The following PLXDC2 variants were observed in gnomAD, a reference collection of about 807,000 sequenced individuals.
PLXDC2 encodes plexin domain-containing protein 2.
Under a neutral mutation model 68.9 loss-of-function variants are expected in PLXDC2, and 40 were observed. The observed-to-expected ratio is 0.58, with a 90% CI of 0.45 to 0.76. PLXDC2 has a LOEUF of 0.76. Ranked by LOEUF, PLXDC2 falls within the 30% of genes least tolerant of loss-of-function variation. The pLI is 0.00. For missense variants in PLXDC2, 644 were observed against 661.9 expected (o/e 0.97, Z 0.30); for synonymous variants, 243 against 234.2 (o/e 1.04, Z -0.34).
At chr10:19,905,901 G>A (rs1833149537) in intron 1 of PLXDC2, among the ~76,000 whole-genome samples, 1 of 152,058 alleles carries the variant, frequency 6.6e-6, no homozygotes, top group South Asian at 2.1e-4. Flanking sequence ...ACCATTTATT[G>A]AGGCTATTTC....
intron 9 of PLXDC2, among the ~76,000 whole-genome samples, chr10:20,207,963 G>T (rs780941334): frequency 6.6e-6 from 1 of 152,034 alleles, no homozygotes; most frequent in African/African-American, 2.4e-5. Flanking sequence ...TCTGGCAAGG[G>T]TTCTTAGAAA....
At chr10:19,895,602 C>G (rs1838043988) in intron 1 of PLXDC2, among the ~76,000 whole-genome samples, 2 of 152,140 alleles carry the variant, frequency 1.3e-5, no homozygotes, top group Admixed American at 1.3e-4. Context: ...TTTGCACTTA[C>G]AGCACATCTC....
At position 20,280,645 on chromosome 10, in the gene PLXDC2, G is replaced by A. The variant is rs1358779632; in HGVS notation, c.*826G>A. 6.6e-6 allele frequency: 1 copy of A among 152,034 alleles called. No individual in the cohort carries two copies. Among genetic ancestry groups the A allele is most frequent in the Non-Finnish European group, 1.5e-5 (1 of 68,006 alleles). 9.4% of individuals were successfully genotyped at this position (152,034 alleles called of 1,614,324 possible). A position where few individuals can be genotyped will look rare whatever the true frequency, so the allele number is the denominator to read the frequency against. ...CTTACCTCCAATCCCCAACTGTTAA[G>A]TCCCATGAAACCACAGTTGCTCTGG... On this transcript the variant is annotated 3_prime_UTR_variant, in exon 14 of 14. Transcript: ENST00000377252.
chr10:20,060,298 A>C (rs553052642), intron 3 of PLXDC2, among the ~76,000 whole-genome samples: 1 of 59,102 alleles, frequency 1.7e-5, no homozygotes, highest in South Asian at 3.4e-4. Flanking sequence ...CTGGGACTAC[A>C]AGTGTGAGCC....
rs565387600 is a variant in PLXDC2 at position 19,975,414 on chromosome 10, C to T, written c.113-26361C>T. 1.4e-3 allele frequency among the ~76,000 whole-genome samples: 210 copies of T among 152,090 alleles called. 1 individual carries two copies. Among genetic ancestry groups the T allele is most frequent in the African/African-American group, 4.8e-3 (199 of 41,508 alleles). On this transcript the variant is annotated intron_variant, in intron 1 of 13. Transcript: ENST00000377252. ...CAGAGCTTGCAGTGAGCAGAGATCG[C>T]GCCTCTGCCCTCCAGCCTGGGAGAC...
chr10:20,195,968 C>T (rs1484736160), intron 9 of PLXDC2, among the ~76,000 whole-genome samples: 2 of 152,136 alleles, frequency 1.3e-5, no homozygotes, highest in African/African-American at 2.4e-5. Context: ...GTAAAAGTTA[C>T]AGCTCTCTCT....
At chr10:19,974,774 A>G (rs1264946320) in intron 1 of PLXDC2, among the ~76,000 whole-genome samples, 5 of 152,200 alleles carry the variant, frequency 3.3e-5, no homozygotes, top group African/African-American at 1.2e-4. Context: ...TTTCAGTTAA[A>G]TAAATAAGTG....
intron 1 of PLXDC2, among the ~76,000 whole-genome samples, chr10:19,934,365 A>G (rs1277359701): frequency 6.6e-6 from 1 of 152,252 alleles, no homozygotes; most frequent in Non-Finnish European, 1.5e-5. Flanking sequence ...GAAAGGAAGA[A>G]GCTAATATAA....
At chr10:20,262,550 G>T (rs1003528881) in intron 13 of PLXDC2, among the ~76,000 whole-genome samples, 1 of 152,136 alleles carries the variant, frequency 6.6e-6, no homozygotes, top group Non-Finnish European at 1.5e-5. Context: ...AGGCTTCAGA[G>T]AGTCTGAGCC....
chr10:20,167,044 A>C (rs1046287247), intron 7 of PLXDC2, among the ~76,000 whole-genome samples: 1 of 152,194 alleles, frequency 6.6e-6, no homozygotes, highest in Non-Finnish European at 1.5e-5. Flanking sequence ...ATACTGGAAA[A>C]GCAGTCACAT....
chr10:19,976,660 G>A (rs1589565994), intron 1 of PLXDC2, among the ~76,000 whole-genome samples: 1 of 152,108 alleles, frequency 6.6e-6, no homozygotes, highest in Non-Finnish European at 1.5e-5. Flanking sequence ...CACCCAATGT[G>A]TTCTATCAGT....
At chr10:20,025,265 C>T (rs111834775) in intron 2 of PLXDC2, among the ~76,000 whole-genome samples, 71 of 89,946 alleles carry the variant, frequency 7.9e-4, no homozygotes, top group African/African-American at 3.1e-3. Flanking sequence ...ATTGTTTTTT[C>T]GACTTTTTTT....
chr10:19,980,956 A>G (rs1834541398), intron 1 of PLXDC2, among the ~76,000 whole-genome samples: 1 of 152,194 alleles, frequency 6.6e-6, no homozygotes, highest in African/African-American at 2.4e-5. Context: ...TAAGGTTTAC[A>G]TTTAAAGTTG....
At chr10:19,898,688 G>A (rs74946719) in intron 1 of PLXDC2, among the ~76,000 whole-genome samples, 10,851 of 152,170 alleles carry the variant, frequency 0.071, 892 homozygotes, top group African/African-American at 0.2. Flanking sequence ...TGGAAGTTGA[G>A]ACCTGTCCCA....
intron 5 of PLXDC2, among the ~76,000 whole-genome samples, chr10:20,147,441 T>C (rs1410379155): frequency 6.6e-6 from 1 of 152,210 alleles, no homozygotes; most frequent in Non-Finnish European, 1.5e-5. Context: ...GTTCATTCAA[T>C]CCACTTGGGC....
rs1564659038 is a variant in PLXDC2 at position 20,020,177 on chromosome 10, A to ATTTTTTTTTTTTTTTTTTT, written c.324+18191_324+18192insTTTTTTTTTTTTTTTTTTT. Among the ~76,000 whole-genome samples, 27 of 98,200 alleles carry ATTTTTTTTTTTTTTTTTTT rather than the reference A, an allele frequency of 2.7e-4. 3 individuals carry two copies. The highest frequency in any genetic ancestry group is 1.1e-3 in the African/African-American group (25 of 22,730). 64.4% of individuals were successfully genotyped at this position (98,200 alleles called of 152,430 possible). A position where few individuals can be genotyped will look rare whatever the true frequency, so the allele number is the denominator to read the frequency against. ...CAAACACATGCCACCACACCCAGCAAATTTTTTTTTTTTTTTTTTTTTTGT... is the reference window on the plus strand; with the variant it reads ...CAAACACATGCCACCACACCCAGCAATTTTTTTTTTTTTTTTTTTATTTTTTTTTTTTTTTTTTTTTTGT... On this transcript the variant is annotated intron_variant, in intron 2 of 13. Coordinates refer to ENST00000377252, the MANE Select transcript of PLXDC2 (RefSeq NM_032812.9).
chr10:19,968,314 G>A (rs902082854), intron 1 of PLXDC2, among the ~76,000 whole-genome samples: 1 of 152,056 alleles, frequency 6.6e-6, no homozygotes, highest in Non-Finnish European at 1.5e-5. Flanking sequence ...CTCCTTCATT[G>A]CTTTTTTGTT....
intron 4 of PLXDC2, among the ~76,000 whole-genome samples, chr10:20,124,073 C>A (rs1425489482): frequency 3.9e-5 from 6 of 152,032 alleles, no homozygotes; most frequent in Admixed American, 1.3e-4. Flanking sequence ...GCCCCTCCCA[C>A]AGAAAAGCGG....
chr10:19,877,754 T>C (rs1217278306), intron 1 of PLXDC2, among the ~76,000 whole-genome samples: 3 of 152,248 alleles, frequency 2.0e-5, no homozygotes, highest in Non-Finnish European at 4.4e-5. Flanking sequence ...TGTAACTTCA[T>C]TGAGCCACTA....
Sources: gnomAD v4.1 joint callset for allele counts (sites outside exome capture counted in the v4.1 genomes callset) on GRCh38, gnomAD v4.1.1 for gene constraint, MANE v1.5 for transcripts, NCBI Gene and HGNC (gene_info 2026-07-23, HGNC 2026-07-21) for gene names.